Variants in ACP7 observed in about 807,000 individuals in gnomAD.
ACP7 encodes acid phosphatase type 7.
A neutral mutation model predicts 60.6 loss-of-function variants in ACP7; 58 were observed. The observed-to-expected ratio is 0.96, with a 90% CI of 0.77 to 1.19. ACP7 has a LOEUF of 1.19. ACP7 is among the 50% of genes most tolerant of loss of function. The pLI is 0.00. For missense variants in ACP7, 574 were observed against 596.2 expected (o/e 0.96, Z 0.39); for synonymous variants, 237 against 232.6 (o/e 1.02, Z -0.17).
chr19:39,085,424 C>T (rs1222558421), intron 2 of ACP7, 34 bp downstream of exon 2: 4 of 1,582,716 alleles, frequency 2.5e-6, no homozygotes, highest in Non-Finnish European at 3.4e-6. Flanking sequence ...ATGCCTCTAC[C>T]AGAGAGGCCC....
At chr19:39,098,275 A>AAAAAGAAAAG (rs953000401) in intron 2 of ACP7, among the ~76,000 whole-genome samples, 183 bp from the exon 3 acceptor site, 4 of 126,634 alleles carry the variant, frequency 3.2e-5, no homozygotes, top group East Asian at 2.3e-4. Flanking sequence ...AAAAAAAAAA[A>AAAAAGAAAAG]AAAAGAAAAG....
chr19:39,095,932 C>T (rs780124939), intron 2 of ACP7, among the ~76,000 whole-genome samples: 2 of 152,240 alleles, frequency 1.3e-5, no homozygotes, highest in Non-Finnish European at 2.9e-5. Context: ...CTTACAGCCA[C>T]AGCTGGAGCA....
intron 2 of ACP7, among the ~76,000 whole-genome samples, chr19:39,086,271 T>C (rs1327687814): frequency 6.6e-6 from 1 of 151,510 alleles, no homozygotes; most frequent in Non-Finnish European, 1.5e-5. Flanking sequence ...AAGGCTGCAG[T>C]GAGCCATGAT....
At chr19:39,105,491 T>C (rs2073401691) in intron 11 of ACP7, among the ~76,000 whole-genome samples, 2 of 152,206 alleles carry the variant, frequency 1.3e-5, no homozygotes, top group African/African-American at 4.8e-5. Flanking sequence ...AAACAGATAC[T>C]GTGTTCTTCC....
In ACP7 at chr19:39,097,568, GA is replaced by G. The variant is rs138172749; in HGVS notation, c.122-875del. 5.6e-3 allele frequency among the ~76,000 whole-genome samples: 743 copies of G among 132,170 alleles called. 2 individuals are homozygous for G. Among genetic ancestry groups the G allele is most frequent in the South Asian group, 0.019 (79 of 4,132 alleles). 86.7% of individuals were successfully genotyped at this position (132,170 alleles called of 152,430 possible). On this transcript the variant is annotated intron_variant, in intron 2 of 12. Transcript: ENST00000331256. Reference sequence around the variant, plus strand: ...CAATAGAGTGAGACCCTATCTCTAAGAAAAAAAAAAAAAAAGTCAATAGCTT... The same window carrying G: ...CAATAGAGTGAGACCCTATCTCTAAGAAAAAAAAAAAAAAGTCAATAGCTT...
chr19:39,108,680 G>T (rs1182474297), intron 12 of ACP7, among the ~76,000 whole-genome samples: 3 of 152,130 alleles, frequency 2.0e-5, no homozygotes, highest in African/African-American at 7.2e-5. Flanking sequence ...GTGGCTTAAG[G>T]TTAGGTGGAT....
intron 2 of ACP7, among the ~76,000 whole-genome samples, chr19:39,093,187 C>A (rs2073228097): frequency 1.7e-5 from 1 of 57,828 alleles, no homozygotes; most frequent in South Asian, 4.5e-4. Flanking sequence ...TCCTTCCTTC[C>A]TTCTTTCTTT....
chr19:39,093,090 T>TTTTC (rs148971634), intron 2 of ACP7, among the ~76,000 whole-genome samples: 63,713 of 136,972 alleles, frequency 0.47, 15,752 homozygotes, highest in African/African-American at 0.65. Flanking sequence ...CGTTTCTTTC[T>TTTTC]TTTCTTTCTT....
chr19:39,098,465 A>T lies in ACP7; in HGVS notation c.129A>T (p.Pro43=), dbSNP rs367691742. 5.5e-5 allele frequency: 85 copies of T among 1,537,544 alleles called. No homozygotes were observed. In the African/African-American group the frequency reaches 9.5e-4, roughly 17 times the overall value. Residue 43 remains proline (P), a synonymous_variant, in exon 3 of 13, where the codon CCA becomes CCT. Transcript: ENST00000331256. ...CTGTCCCTTTCTCCCCAGGTGAGCC[A>T]GGCTCCATGACTGTAACTTGGACCA... is the stretch of plus-strand genomic sequence containing the variant. ...EQVHLSYPGE[P]GSMTVTWTTW...
intron 2 of ACP7, among the ~76,000 whole-genome samples, chr19:39,086,465 T>C (rs1437200577): frequency 6.0e-5 from 9 of 151,060 alleles, no homozygotes; most frequent in African/African-American, 9.7e-5. Context: ...ACCCGGTCTC[T>C]ACAAAAAAAT....
rs2073416097 is a variant in ACP7 at position 39,106,885 on chromosome 19, C to T, written c.1114-62C>T. On this transcript the variant is annotated intron_variant, in intron 11 of 12. Coordinates refer to ENST00000331256, the MANE Select transcript of ACP7 (RefSeq NM_001004318.3). ...GCAGCAGGGTCCTGGGCTAGCAGGT[C>T]ATTTCTGCTTCCCCGCGGGTCCTCC... The T allele has an allele frequency of 5.0e-6, 8 of 1,598,004 alleles. No individual in the cohort carries two copies. In the East Asian group the frequency reaches 1.8e-4, roughly 36 times the overall value.
At chr19:39,104,283 G>A (rs2073388757) in intron 11 of ACP7, among the ~76,000 whole-genome samples, 1 of 151,782 alleles carries the variant, frequency 6.6e-6, no homozygotes, top group Admixed American at 6.6e-5. Flanking sequence ...TGTTTAGATA[G>A]AGACATGTTA....
At chr19:39,102,846 T>C (rs1300573926) in intron 11 of ACP7, among the ~76,000 whole-genome samples, 1 of 149,284 alleles carries the variant, frequency 6.7e-6, no homozygotes, top group East Asian at 2.0e-4. Flanking sequence ...TCTTTCTTTC[T>C]TTTTTTTTGA....
intron 3 of ACP7, 45 bp from the exon 4 acceptor site, chr19:39,098,914 TC>T: frequency 7.1e-7 from 1 of 1,399,880 alleles, no homozygotes; most frequent in South Asian, 1.3e-5. Flanking sequence ...GGAGGGAGGG[TC>T]CCGGGGCGCC....
intron 2 of ACP7, among the ~76,000 whole-genome samples, chr19:39,092,923 G>A (rs951527839): frequency 6.6e-6 from 1 of 151,040 alleles, no homozygotes; most frequent in Non-Finnish European, 1.5e-5. Flanking sequence ...GACTACAGGT[G>A]TGTGCCACTA....
At chr19:39,084,992 G>A (rs1450330398) in intron 1 of ACP7, 100 bp from the exon 2 acceptor site, 2 of 343,868 alleles carry the variant, frequency 5.8e-6, no homozygotes, top group Non-Finnish European at 1.1e-5. Flanking sequence ...TGAGGCTTCC[G>A]TGAATTAATC....
Position 39,101,554 on chromosome 19 carries a change from G to A in ACP7, c.1113+17G>A, listed in dbSNP as rs767893646. 6.2e-7 allele frequency: 1 copy of A among 1,611,616 alleles called. No homozygotes were observed. Among genetic ancestry groups the A allele is most frequent in the South Asian group, 1.1e-5 (1 of 90,798 alleles). On this transcript the variant is annotated intron_variant, in intron 11 of 12. Transcript: ENST00000331256. The stretch of plus-strand genomic sequence containing the variant: ...GGATCTGCTGTGAGCAGGGGGAAGG[G>A]TGGCTTTGCCTTCTCTCTCTATTCC...
At chr19:39,102,715 T>TTTCTTTCTTTCTTTCTTTC (rs1555769414) in intron 11 of ACP7, among the ~76,000 whole-genome samples, 4,877 of 118,478 alleles carry the variant, frequency 0.041, 244 homozygotes, top group East Asian at 0.053. Flanking sequence ...CAATGAAGAC[T>TTTCTTTCTTTCTTTCTTTC]TTTCTTTCTT....
chr19:39,096,227 C>T (rs1387872250), intron 2 of ACP7, among the ~76,000 whole-genome samples: 2 of 152,186 alleles, frequency 1.3e-5, no homozygotes, highest in South Asian at 4.1e-4. Context: ...AACTTTTATG[C>T]TCTGCTTCCC....
Sources: gnomAD v4.1 joint callset for allele counts (sites outside exome capture counted in the v4.1 genomes callset) on GRCh38, gnomAD v4.1.1 for gene constraint, MANE v1.5 for transcripts, NCBI Gene and HGNC (gene_info 2026-07-23, HGNC 2026-07-21) for gene names.